Variants in KIAA1217 observed in about 807,000 individuals in gnomAD.
KIAA1217 encodes the protein sickle tail protein homolog.
In KIAA1217, 88 loss-of-function variants were observed where a neutral mutation model predicts 163.9. The observed-to-expected ratio is 0.54, with a 90% CI of 0.45 to 0.64. The LOEUF (loss-of-function observed/expected upper bound fraction) is 0.64. Among genes scored for constraint, KIAA1217 ranks in the 30% least tolerant of loss-of-function variants. The pLI is 0.00. For missense variants in KIAA1217, 2,372 were observed against 2,475.0 expected (o/e 0.96, Z 0.88); for synonymous variants, 903 against 923.1 (o/e 0.98, Z 0.39).
chr10:23,851,297 AATG>A (rs1455431042), intron 1 of KIAA1217, among the ~76,000 whole-genome samples: 1 of 152,076 alleles, frequency 6.6e-6, no homozygotes, highest in African/African-American at 2.4e-5. Flanking sequence ...GTTTACTGAG[AATG>A]ATGATTTCCA....
chr10:24,305,271 G>A (rs911504648), intron 2 of KIAA1217, among the ~76,000 whole-genome samples: 5 of 152,196 alleles, frequency 3.3e-5, no homozygotes, highest in Non-Finnish European at 4.4e-5. Flanking sequence ...GTTAGAGTAA[G>A]GAAGATGACT....
intron 1 of KIAA1217, among the ~76,000 whole-genome samples, chr10:23,831,118 A>C (rs946845475): frequency 9.2e-5 from 14 of 152,150 alleles, no homozygotes; most frequent in Non-Finnish European, 1.5e-5. Flanking sequence ...AGCAGCAGAA[A>C]TTAGACCCTT....
intron 2 of KIAA1217, among the ~76,000 whole-genome samples, chr10:24,021,846 G>A (rs79294470): frequency 0.022 from 3,292 of 150,120 alleles, 126 homozygotes; most frequent in African/African-American, 0.076. Flanking sequence ...ACAATTCAAT[G>A]AAGAAAGATT....
intron 3 of KIAA1217, among the ~76,000 whole-genome samples, chr10:24,410,782 G>T (rs2131323201): frequency 1.3e-5 from 2 of 152,344 alleles, no homozygotes; most frequent in South Asian, 4.1e-4. Flanking sequence ...ACAGGAATTA[G>T]AAACTGGATT....
At chr10:23,979,151 T>G (rs961139710) in intron 1 of KIAA1217, among the ~76,000 whole-genome samples, 7 of 152,212 alleles carry the variant, frequency 4.6e-5, no homozygotes, top group African/African-American at 1.7e-4. Context: ...TTATATCAAA[T>G]CACTTTGAGC....
chr10:23,699,141 C>T (rs1287870094), intron 1 of KIAA1217, among the ~76,000 whole-genome samples: 6 of 152,244 alleles, frequency 3.9e-5, no homozygotes, highest in Non-Finnish European at 8.8e-5. Flanking sequence ...ACTGCTCCTT[C>T]TGCCTGATCA....
chr10:23,879,492 A>G (rs1400472335), intron 1 of KIAA1217, among the ~76,000 whole-genome samples: 1 of 151,930 alleles, frequency 6.6e-6, no homozygotes, highest in African/African-American at 2.4e-5. Context: ...GTGATTAAAT[A>G]TATCAACAAT....
intron 2 of KIAA1217, among the ~76,000 whole-genome samples, chr10:24,369,738 TAAC>T (rs1387464239): frequency 2.0e-5 from 3 of 152,196 alleles, no homozygotes; most frequent in African/African-American, 7.2e-5. Flanking sequence ...ATCAGTATAA[TAAC>T]AGCAATCCTC....
intron 1 of KIAA1217, among the ~76,000 whole-genome samples, chr10:24,005,636 G>A (rs935475177): frequency 2.0e-5 from 3 of 152,168 alleles, no homozygotes; most frequent in Admixed American, 1.3e-4. Flanking sequence ...TACCTTTCCA[G>A]AGAATTGTTA....
chr10:24,277,682 G>A (rs1449996070), intron 2 of KIAA1217, among the ~76,000 whole-genome samples: 2 of 152,184 alleles, frequency 1.3e-5, no homozygotes, highest in Non-Finnish European at 2.9e-5. Flanking sequence ...GCTGCCATGT[G>A]AAGAAGGACG....
intron 1 of KIAA1217, among the ~76,000 whole-genome samples, chr10:24,218,089 C>T (rs747982301): frequency 2.6e-5 from 4 of 152,148 alleles, no homozygotes; most frequent in Admixed American, 6.5e-5. Flanking sequence ...AACTGTTCTT[C>T]GTGAAGAGCC....
At chr10:24,208,555 G>A (rs528409027), upstream of KIAA1217, among the ~76,000 whole-genome samples, 139 of 152,122 alleles carry the variant, frequency 9.1e-4, no homozygotes, top group Non-Finnish European at 1.8e-3. Flanking sequence ...AGTTAGTGCC[G>A]GAAAGTGCTT....
intron 2 of KIAA1217, among the ~76,000 whole-genome samples, chr10:24,358,350 C>A: frequency 6.6e-6 from 1 of 152,220 alleles, no homozygotes; most frequent in East Asian, 1.9e-4. Context: ...CTTGCAGAGA[C>A]GACCTGGGTC....
At chr10:23,762,080 A>AATAAC (rs1246578096) in intron 1 of KIAA1217, among the ~76,000 whole-genome samples, 1 of 152,338 alleles carries the variant, frequency 6.6e-6, no homozygotes, top group South Asian at 2.1e-4. Context: ...TGAGTAGACC[A>AATAAC]ATAACAAGTT....
At chr10:23,866,666 T>C (rs1840200390) in intron 1 of KIAA1217, among the ~76,000 whole-genome samples, 1 of 151,794 alleles carries the variant, frequency 6.6e-6, no homozygotes, top group African/African-American at 2.4e-5. Flanking sequence ...CTGATGCCTC[T>C]CCCTCTTGCC....
At chr10:24,244,767 G>A in intron 2 of KIAA1217, among the ~76,000 whole-genome samples, 1 of 151,810 alleles carries the variant, frequency 6.6e-6, no homozygotes, top group South Asian at 2.1e-4. Context: ...GTTTTGCCGT[G>A]TTACCCAGGC....
At chr10:24,174,313 G>C (rs1368769391) in intron 2 of KIAA1217, among the ~76,000 whole-genome samples, 1 of 152,184 alleles carries the variant, frequency 6.6e-6, no homozygotes, top group Non-Finnish European at 1.5e-5. Flanking sequence ...TCACCAAAAG[G>C]TGTGTCCCAG....
intron 2 of KIAA1217, chr10:24,158,676 T>A: frequency 2.0e-6 from 1 of 509,670 alleles, no homozygotes; most frequent in Non-Finnish European, 3.9e-6. Context: ...CTCCTAGGAT[T>A]TCTGCCATGA....
chr10:23,991,430 A>G (rs1258536739), intron 1 of KIAA1217, among the ~76,000 whole-genome samples: 2 of 152,208 alleles, frequency 1.3e-5, no homozygotes, highest in African/African-American at 4.8e-5. Flanking sequence ...AAGGTCCTGA[A>G]GGAGCTTATT....
Sources: allele counts gnomAD v4.1 joint callset (sites outside exome capture counted in the v4.1 genomes callset), GRCh38; gene constraint gnomAD v4.1.1; transcripts MANE v1.5; gene names NCBI Gene and HGNC (gene_info 2026-07-23, HGNC 2026-07-21).